IMMP2L: variants seen among roughly 807,000 people sequenced by gnomAD.
IMMP2L encodes the protein mitochondrial inner membrane protease subunit 2.
In IMMP2L, 18 loss-of-function variants were observed where a neutral mutation model predicts 19.3. That is an observed-to-expected ratio of 0.93 (90% CI 0.64 to 1.38). The LOEUF (loss-of-function observed/expected upper bound fraction) is 1.38, where lower values mean the gene tolerates loss of function less well. Ranked by LOEUF, IMMP2L falls within the 40% of genes most tolerant of loss-of-function variation. The pLI is 0.00. For synonymous variants in IMMP2L, 76 were observed against 73.0 expected (o/e 1.04, Z -0.21); for missense variants, 233 against 218.2 (o/e 1.07, Z -0.43).
chr7:111,055,047 CCTT>C (rs1793372176), intron 3 of IMMP2L, among the ~76,000 whole-genome samples: 1 of 142,084 alleles, frequency 7.0e-6, no homozygotes, highest in South Asian at 2.6e-4. Context: ...CACGTTTCTT[CCTT>C]CTTTTTTTTT....
chr7:111,047,896 A>C lies in IMMP2L; in HGVS notation c.240-84331T>G, dbSNP rs76028907. Among the ~76,000 whole-genome samples the C allele has an allele frequency of 4.4e-3, 663 of 152,234 alleles. 5 individuals carry two copies. The highest frequency in any genetic ancestry group is 5.8e-3 in the Non-Finnish European group (396 of 68,002). On this transcript the variant is annotated intron_variant, in intron 3 of 5. Coordinates refer to ENST00000405709, the MANE Select transcript of IMMP2L (RefSeq NM_032549.4). ...CTTCCTTATCAAGCTTTCCCTTTTT[A>C]AATGCCTGCCATCCCCCCAAAAAGC...
At chr7:110,702,726 A>G (rs1023045466) in intron 5 of IMMP2L, among the ~76,000 whole-genome samples, 1 of 152,158 alleles carries the variant, frequency 6.6e-6, no homozygotes, top group Non-Finnish European at 1.5e-5. Flanking sequence ...TATTGCTAGT[A>G]TAGAGAAACA....
chr7:111,402,752 A>T (rs1204645089), intron 3 of IMMP2L, among the ~76,000 whole-genome samples: 3 of 151,976 alleles, frequency 2.0e-5, no homozygotes, highest in Non-Finnish European at 4.4e-5. Context: ...TATAAAATCA[A>T]ATTAAAAATC....
At chr7:111,428,194 C>T (rs1052214713) in intron 3 of IMMP2L, among the ~76,000 whole-genome samples, 2 of 151,658 alleles carry the variant, frequency 1.3e-5, no homozygotes, top group African/African-American at 4.9e-5. Flanking sequence ...TTCACCCTTA[C>T]AGAAAATGAT....
intron 3 of IMMP2L, among the ~76,000 whole-genome samples, chr7:111,396,672 T>C (rs1358817459): frequency 6.6e-6 from 1 of 151,992 alleles, no homozygotes; most frequent in African/African-American, 2.4e-5. Context: ...AAAATAAAAA[T>C]GAAAAAGAAT....
In IMMP2L at chr7:110,773,050, A is replaced by C. The variant is rs1301807159; in HGVS notation, c.409-109329T>G. 2.0e-5 allele frequency among the ~76,000 whole-genome samples: 3 copies of C among 152,108 alleles called. No individual in the cohort carries two copies. The East Asian group carries it at 5.8e-4, about 30-fold the overall frequency. On this transcript the variant is annotated intron_variant, in intron 5 of 5. Transcript: ENST00000405709. ...AATTTAACTTTAAAGCATTGAGGAG[A>C]TATATATTCCCAAGGCAATGTATAA...
intron 3 of IMMP2L, among the ~76,000 whole-genome samples, chr7:111,055,478 C>T (rs982287690): frequency 6.6e-6 from 1 of 152,190 alleles, no homozygotes; most frequent in East Asian, 1.9e-4. Flanking sequence ...CTAAGATACC[C>T]TGACAGGGAT....
chr7:110,878,714 T>C (rs1809330950), intron 5 of IMMP2L, among the ~76,000 whole-genome samples: 1 of 152,072 alleles, frequency 6.6e-6, no homozygotes, highest in South Asian at 2.1e-4. Flanking sequence ...TAAAAATGTA[T>C]TTTAAAAAAC....
chr7:111,306,606 CTGTGTGTGTGTGTGTGTGTG>C (rs71147473), intron 3 of IMMP2L, among the ~76,000 whole-genome samples: 10 of 136,118 alleles, frequency 7.3e-5, no homozygotes, highest in South Asian at 2.6e-4. Flanking sequence ...TCACTGGACT[CTGTGTGTGTGTGTGTGTGTG>C]TGTGTGTGTG....
intron 3 of IMMP2L, among the ~76,000 whole-genome samples, chr7:111,166,404 T>A (rs536675814): frequency 6.6e-6 from 1 of 152,184 alleles, no homozygotes; most frequent in East Asian, 1.9e-4. Flanking sequence ...TATTATATTA[T>A]ACTCTCTCCT....
chr7:111,301,901 G>A (rs935461052), intron 3 of IMMP2L, among the ~76,000 whole-genome samples: 8 of 113,524 alleles, frequency 7.0e-5, no homozygotes, highest in Admixed American at 1.2e-4. Flanking sequence ...TGTAAATTAC[G>A]CCATGTCAGT....
chr7:110,949,009 C>A (rs1300473257), intron 4 of IMMP2L, among the ~76,000 whole-genome samples: 1 of 152,196 alleles, frequency 6.6e-6, no homozygotes, highest in African/African-American at 2.4e-5. Flanking sequence ...CCTGCCCCCA[C>A]CAGGTTCTCA....
intron 3 of IMMP2L, among the ~76,000 whole-genome samples, chr7:111,467,242 G>C (rs114042838): frequency 1.2e-3 from 190 of 152,238 alleles, no homozygotes; most frequent in African/African-American, 4.3e-3. Context: ...TAAAATTACA[G>C]TTCTTACCTC....
At chr7:111,121,889 T>C (rs1409528620) in intron 3 of IMMP2L, among the ~76,000 whole-genome samples, 1 of 152,134 alleles carries the variant, frequency 6.6e-6, no homozygotes, top group East Asian at 1.9e-4. Context: ...CATGGAATAC[T>C]ATGCAGCCAT....
chr7:111,032,491 T>C (rs1452691400), intron 3 of IMMP2L, among the ~76,000 whole-genome samples: 2 of 152,204 alleles, frequency 1.3e-5, no homozygotes, highest in East Asian at 1.9e-4. Context: ...AAAGAGCTGT[T>C]AAAATTTAAC....
intron 3 of IMMP2L, among the ~76,000 whole-genome samples, chr7:111,380,624 T>C (rs559345225): frequency 8.5e-5 from 13 of 152,192 alleles, no homozygotes; most frequent in African/African-American, 2.9e-4. Flanking sequence ...GTATGCAAGA[T>C]GGAAATACCC....
intron 3 of IMMP2L, chr7:111,124,563 CATCT>C: frequency 1.9e-6 from 3 of 1,613,492 alleles, no homozygotes; most frequent in Non-Finnish European, 2.5e-6. Flanking sequence ...ATATTCCCAC[CATCT>C]ATCAGAAAAA....
At chr7:110,753,355 T>C (rs1456682237) in intron 5 of IMMP2L, among the ~76,000 whole-genome samples, 5 of 151,854 alleles carry the variant, frequency 3.3e-5, no homozygotes, top group African/African-American at 1.2e-4. Flanking sequence ...ATCAGAATAC[T>C]TCTTTTCATT....
rs1303307479 is a variant in IMMP2L at position 110,971,111 on chromosome 7, T to C, written c.240-7546A>G. 2.6e-5 allele frequency among the ~76,000 whole-genome samples: 4 copies of C among 152,006 alleles called. No homozygotes were observed. In the East Asian group the frequency reaches 7.8e-4, roughly 29 times the overall value. On this transcript the variant is annotated intron_variant, in intron 3 of 5. Coordinates refer to ENST00000405709, the MANE Select transcript of IMMP2L (RefSeq NM_032549.4). ...TATACAAGAACTGAGGTTGGGACCT[T>C]TAAGTCAATGTCCATGCAAAATATT...
Sources: gnomAD v4.1 joint callset for allele counts (sites outside exome capture counted in the v4.1 genomes callset) on GRCh38, gnomAD v4.1.1 for gene constraint, MANE v1.5 for transcripts, NCBI Gene and HGNC (gene_info 2026-07-23, HGNC 2026-07-21) for gene names.